HDAC9: variants seen among roughly 807,000 people sequenced by gnomAD.
The protein encoded by HDAC9 is MEF-2 interacting transcription repressor (MITR) protein.
In HDAC9, 41 loss-of-function variants were observed where a neutral mutation model predicts 139.4. The ratio of observed to expected loss-of-function variants is 0.29; its 90% CI spans 0.23 to 0.38. The LOEUF (loss-of-function observed/expected upper bound fraction) is 0.38. HDAC9 is among the 10% of genes least tolerant of loss of function. The pLI is 1.00. For missense variants in HDAC9, 1,147 were observed against 1,297.0 expected (o/e 0.88, Z 1.78); for synonymous variants, 517 against 476.2 (o/e 1.09, Z -1.12).
intron 13 of HDAC9, among the ~76,000 whole-genome samples, chr7:18,733,759 A>C (rs1408708827): frequency 1.3e-5 from 2 of 152,010 alleles, no homozygotes; most frequent in African/African-American, 4.8e-5. Flanking sequence ...TTACCTTCAC[A>C]CATGTTTTGA....
At position 18,975,967 on chromosome 7, in the gene HDAC9, G is replaced by A. The variant is rs184747094; in HGVS notation, c.3170+14G>A. Reference sequence around the variant, plus strand: ...GGAAGACAGCAGGTATGAATCCAACGTGCGGGAATAATCCGGGTCAGTCAT... The same window carrying A: ...GGAAGACAGCAGGTATGAATCCAACATGCGGGAATAATCCGGGTCAGTCAT... On this transcript the variant is annotated intron_variant, in intron 25 of 25. Coordinates refer to ENST00000686413, the MANE Select transcript of HDAC9 (RefSeq NM_178425.4). The A allele has an allele frequency of 1.3e-3, 2,102 of 1,611,488 alleles. 45 individuals are homozygous for A. In the South Asian group the frequency reaches 0.022, roughly 17 times the overall value.
intron 1 of HDAC9, among the ~76,000 whole-genome samples, chr7:18,412,086 C>A (rs886566016): frequency 9.2e-5 from 14 of 151,934 alleles, no homozygotes; most frequent in African/African-American, 3.4e-4. Context: ...CCTTAGCCTC[C>A]CAAAGTGCTG....
chr7:18,461,143 T>C (rs1388020997), intron 1 of HDAC9, among the ~76,000 whole-genome samples: 3 of 152,138 alleles, frequency 2.0e-5, no homozygotes, highest in African/African-American at 7.2e-5. Context: ...TACACACATA[T>C]ATTTCTCTCA....
intron 1 of HDAC9, among the ~76,000 whole-genome samples, chr7:18,387,613 C>G (rs1786061024): frequency 6.6e-6 from 1 of 152,140 alleles, no homozygotes. Context: ...AGTAGTACTC[C>G]TAGCCAAGCC....
At chr7:18,659,416 T>C (rs918021107) in intron 11 of HDAC9, among the ~76,000 whole-genome samples, 9 of 152,178 alleles carry the variant, frequency 5.9e-5, no homozygotes, top group Non-Finnish European at 1.2e-4. Context: ...TTTGCTATAA[T>C]TATGACCTGA....
chr7:18,875,217 A>G (rs979542140), intron 22 of HDAC9, among the ~76,000 whole-genome samples: 13 of 152,166 alleles, frequency 8.5e-5, no homozygotes, highest in African/African-American at 2.9e-4. Context: ...ATCTGGCTAG[A>G]AAGAGGATTT....
intron 2 of HDAC9, among the ~76,000 whole-genome samples, chr7:18,554,178 A>G (rs867207717): frequency 1.1e-4 from 16 of 152,212 alleles, no homozygotes; most frequent in East Asian, 3.9e-4. Flanking sequence ...AATATACACT[A>G]TATGCATAAG....
intron 6 of HDAC9, among the ~76,000 whole-genome samples, chr7:18,597,348 AC>A (rs1367622158): frequency 6.6e-6 from 1 of 152,164 alleles, no homozygotes; most frequent in Non-Finnish European, 1.5e-5. Flanking sequence ...CTAGAATTAT[AC>A]ATTGTAATTA....
Position 18,207,539 on chromosome 7 carries a change from C to CTTTTTTTTTTTTTTTTTTTTTT in HDAC9, c.25+45208_25+45209insTTTTTTTTTTTTTTTTTTTTTT, listed in dbSNP as rs56690120. Among the ~76,000 whole-genome samples, 6 of 53,740 alleles carry CTTTTTTTTTTTTTTTTTTTTTT rather than the reference C, an allele frequency of 1.1e-4. 2 individuals carry two copies. The highest frequency in any genetic ancestry group is 1.6e-4 in the Non-Finnish European group (5 of 31,946). The allele number at this position is 53,740 out of a possible 152,430, so 35.3% of individuals were successfully genotyped here. On this transcript the variant is annotated intron_variant, in intron 2 of 12. Coordinates refer to the HDAC9 transcript ENST00000417496. ...CTCTCACCTCATCTGCCCAAGGAGT[C>CTTTTTTTTTTTTTTTTTTTTTT]TTTTTTTTTTTTTTTTTTGATTTGA...
At chr7:18,391,244 G>A (rs1362834507) in intron 1 of HDAC9, among the ~76,000 whole-genome samples, 1 of 152,086 alleles carries the variant, frequency 6.6e-6, no homozygotes, top group Non-Finnish European at 1.5e-5. Flanking sequence ...AATTATCCGG[G>A]CATGGTGGCA....
intron 12 of HDAC9, chr7:18,666,918 C>T (rs1795031653): frequency 7.0e-6 from 7 of 996,222 alleles, no homozygotes; most frequent in Non-Finnish European, 8.4e-6. Flanking sequence ...TTTTTTGCAA[C>T]ATCTAGAATT....
chr7:18,294,892 G>A (rs947285172), intron 1 of HDAC9, among the ~76,000 whole-genome samples: 1 of 152,194 alleles, frequency 6.6e-6, no homozygotes, highest in Admixed American at 6.5e-5. Flanking sequence ...GAGAAATACT[G>A]TATAATTAAT....
chr7:18,843,202 T>C (rs1796697540), intron 21 of HDAC9, among the ~76,000 whole-genome samples: 1 of 152,128 alleles, frequency 6.6e-6, no homozygotes, highest in South Asian at 2.1e-4. Context: ...AAAAGGTAAT[T>C]TGTATGCCTA....
chr7:18,789,836 A>G (rs2129176973), intron 16 of HDAC9, among the ~76,000 whole-genome samples: 1 of 152,140 alleles, frequency 6.6e-6, no homozygotes, highest in South Asian at 2.1e-4. Context: ...GTTTTCTCTT[A>G]CCTATAGTTT....
intron 1 of HDAC9, among the ~76,000 whole-genome samples, chr7:18,452,551 A>G (rs920611298): frequency 8.5e-5 from 13 of 152,204 alleles, no homozygotes; most frequent in Admixed American, 3.9e-4. Flanking sequence ...AGATGCATCA[A>G]TATATAATTG....
intron 1 of HDAC9, among the ~76,000 whole-genome samples, chr7:18,142,003 A>G (rs986931763): frequency 1.3e-5 from 2 of 152,130 alleles, no homozygotes; most frequent in Admixed American, 1.3e-4. Context: ...TTGGGTTCTT[A>G]ATTTATCGAA....
intron 2 of HDAC9, among the ~76,000 whole-genome samples, chr7:18,513,924 G>A (rs1407740633): frequency 6.6e-6 from 1 of 152,174 alleles, no homozygotes; most frequent in Non-Finnish European, 1.5e-5. Flanking sequence ...CAGATTTTAG[G>A]TTTAGAAACC....
rs143828674 is a variant in HDAC9, at chr7:18,749,156, A to G, written c.2043+18A>G. 1 of 1,611,944 alleles carries G rather than the reference A, an allele frequency of 6.2e-7. No individual in the cohort carries two copies. The highest frequency in any genetic ancestry group is 8.5e-7 in the Non-Finnish European group (1 of 1,178,776). ...AATGTGAGGTAATCCAGAATTGGACACACTCTTTTACTTACTTAAATAAAT... is the reference window on the plus strand; with the variant it reads ...AATGTGAGGTAATCCAGAATTGGACGCACTCTTTTACTTACTTAAATAAAT... On this transcript the variant is annotated intron_variant, in intron 14 of 25. Transcript: ENST00000686413.
rs979067737 is a variant in HDAC9 at position 18,207,135 on chromosome 7, G to C, written c.25+44786G>C. 3.3e-5 allele frequency among the ~76,000 whole-genome samples: 5 copies of C among 151,656 alleles called. No individual in the cohort carries two copies. The East Asian group carries it at 7.8e-4, about 24-fold the overall frequency. On this transcript the variant is annotated intron_variant, in intron 2 of 12. Coordinates refer to the HDAC9 transcript ENST00000417496. ...TTGTTTTTGTTTGAGATGAGTTTTT[G>C]CCATGTTGCCCAGGGTGGTCTCGAA...
Sources: gnomAD v4.1 joint callset for allele counts (sites outside exome capture counted in the v4.1 genomes callset) on GRCh38, gnomAD v4.1.1 for gene constraint, MANE v1.5 for transcripts, NCBI Gene and HGNC (gene_info 2026-07-23, HGNC 2026-07-21) for gene names.